Variants in RGS6 observed in about 807,000 individuals in gnomAD.
RGS6 encodes regulator of G-protein signaling 6.
Under a neutral mutation model 78.5 loss-of-function variants are expected in RGS6, and 30 were observed. That is an observed-to-expected ratio of 0.38 (90% CI 0.29 to 0.52). RGS6 has a LOEUF of 0.52. Ranked by LOEUF, RGS6 falls within the 20% of genes least tolerant of loss-of-function variation. RGS6 has a pLI of 0.85. For missense variants in RGS6, 495 were observed against 609.7 expected, an observed-to-expected ratio of 0.81 and a Z score of 1.98; for synonymous variants, 206 against 206.0, an observed-to-expected ratio of 1.00 and a Z score of 0.00.
At chr14:72,580,046 C>A in the RGS6 span, among the ~76,000 whole-genome samples, 1 of 152,220 alleles carries the variant, frequency 6.6e-6, no homozygotes, top group East Asian at 1.9e-4. Context: ...TGGAAGACAC[C>A]TTGATGTTCA....
intron 17 of RGS6, among the ~76,000 whole-genome samples, chr14:72,543,182 C>G (rs944415291): frequency 6.6e-6 from 1 of 152,220 alleles, no homozygotes; most frequent in African/African-American, 2.4e-5. Flanking sequence ...AACTAGCCTA[C>G]CATGTACGTT....
chr14:72,027,697 G>A (rs2090140168), intron 2 of RGS6, among the ~76,000 whole-genome samples: 1 of 152,152 alleles, frequency 6.6e-6, no homozygotes, highest in Admixed American at 6.5e-5. Context: ...GTGCATGCCT[G>A]CCCAAGACAG....
intron 2 of RGS6, among the ~76,000 whole-genome samples, chr14:72,026,708 G>C (rs985839062): frequency 2.0e-5 from 3 of 152,176 alleles, no homozygotes; most frequent in Non-Finnish European, 4.4e-5. Flanking sequence ...CATCTGTCCT[G>C]CTCACAGACA....
intron 3 of RGS6, among the ~76,000 whole-genome samples, chr14:72,382,558 T>C (rs565182079): frequency 3.9e-5 from 6 of 152,322 alleles, no homozygotes; most frequent in African/African-American, 1.2e-4. Context: ...GTTGAACTCT[T>C]ACATATTTAT....
chr14:72,258,953 A>G (rs2057601541), intron 2 of RGS6, among the ~76,000 whole-genome samples: 1 of 152,112 alleles, frequency 6.6e-6, no homozygotes, highest in African/African-American at 2.4e-5. Context: ...GAAAATGGAA[A>G]CCTTATTTTC....
intron 3 of RGS6, among the ~76,000 whole-genome samples, chr14:72,386,519 CAG>C (rs772264072): frequency 6.6e-6 from 1 of 152,146 alleles, no homozygotes; most frequent in Non-Finnish European, 1.5e-5. Context: ...GCCTGAGCGA[CAG>C]AGCGAGACTC....
intron 2 of RGS6, among the ~76,000 whole-genome samples, chr14:72,044,687 A>G (rs565332096): frequency 2.6e-5 from 4 of 152,254 alleles, no homozygotes; most frequent in Middle Eastern, 3.4e-3. Context: ...CCTGGCCAAC[A>G]TGGTGAGACT....
At chr14:72,193,647 G>T (rs960775403) in intron 2 of RGS6, among the ~76,000 whole-genome samples, 1 of 152,186 alleles carries the variant, frequency 6.6e-6, no homozygotes, top group African/African-American at 2.4e-5. Flanking sequence ...AAAAAGAAAT[G>T]AAGGAGAACA....
chr14:72,022,840 G>C (rs559796443), intron 2 of RGS6, among the ~76,000 whole-genome samples: 2 of 151,750 alleles, frequency 1.3e-5, no homozygotes, highest in African/African-American at 4.8e-5. Context: ...TTGTATCTGA[G>C]CTCCCTCCTG....
chr14:71,887,810 G>C, the RGS6 span, among the ~76,000 whole-genome samples: 88 of 152,228 alleles, frequency 5.8e-4, 2 homozygotes, highest in African/African-American at 2.0e-3. Flanking sequence ...CTTATCAGTA[G>C]TTCTGTTTTT....
chr14:72,446,308 G>C (rs1438100792), intron 3 of RGS6, among the ~76,000 whole-genome samples: 1 of 152,218 alleles, frequency 6.6e-6, no homozygotes, highest in African/African-American at 2.4e-5. Context: ...TGTCATGGAA[G>C]TCATAGCAAA....
At chr14:72,258,608 C>T (rs1304043700) in intron 2 of RGS6, among the ~76,000 whole-genome samples, 4 of 152,150 alleles carry the variant, frequency 2.6e-5, no homozygotes, top group African/African-American at 9.7e-5. Context: ...TGACTTGGAG[C>T]CAGAAGAGAA....
chr14:72,415,975 C>A (rs1459395264), intron 3 of RGS6, among the ~76,000 whole-genome samples: 1 of 151,882 alleles, frequency 6.6e-6, no homozygotes, highest in African/African-American at 2.4e-5. Flanking sequence ...TGGTGAAACC[C>A]CAACTCTACT....
intron 3 of RGS6, among the ~76,000 whole-genome samples, chr14:72,434,470 G>A (rs896002496): frequency 6.6e-5 from 10 of 152,186 alleles, no homozygotes; most frequent in Non-Finnish European, 1.3e-4. Flanking sequence ...TATATCTTCT[G>A]TAGCATTCAA....
intron 3 of RGS6, among the ~76,000 whole-genome samples, chr14:72,383,510 A>G (rs1250804311): frequency 6.6e-6 from 1 of 152,030 alleles, no homozygotes; most frequent in Non-Finnish European, 1.5e-5. Flanking sequence ...CTGCAACGTG[A>G]TCCATTCGGC....
At chr14:71,949,952 G>T (rs922229023) in intron 1 of RGS6, among the ~76,000 whole-genome samples, 1 of 152,044 alleles carries the variant, frequency 6.6e-6, no homozygotes, top group Non-Finnish European at 1.5e-5. Context: ...CTACTACTCT[G>T]AAATGTCACC....
At chr14:72,197,456 C>T (rs1253028911) in intron 2 of RGS6, among the ~76,000 whole-genome samples, 1 of 152,118 alleles carries the variant, frequency 6.6e-6, no homozygotes, top group African/African-American at 2.4e-5. Flanking sequence ...AGTCCTGGGT[C>T]CATGTTTCCA....
At chr14:72,075,008 A>T (rs1479485576) in intron 2 of RGS6, among the ~76,000 whole-genome samples, 3 of 152,224 alleles carry the variant, frequency 2.0e-5, no homozygotes, top group Non-Finnish European at 4.4e-5. Context: ...AAAGTGAAGG[A>T]TCTTTTTGTA....
At chr14:72,162,213 AG>A (rs2096862740) in intron 2 of RGS6, among the ~76,000 whole-genome samples, 1 of 152,084 alleles carries the variant, frequency 6.6e-6, no homozygotes, top group Non-Finnish European at 1.5e-5. Flanking sequence ...GAGGAAAAAA[AG>A]AAATGATTGC....
Sources: gnomAD v4.1 joint callset for allele counts (sites outside exome capture counted in the v4.1 genomes callset) on GRCh38, gnomAD v4.1.1 for gene constraint, MANE v1.5 for transcripts, NCBI Gene and HGNC (gene_info 2026-07-23, HGNC 2026-07-21) for gene names.